PREPL: variants seen among roughly 807,000 people sequenced by gnomAD.
PREPL encodes the protein prolyl endopeptidase like.
In PREPL, 77 loss-of-function variants were observed where a neutral mutation model predicts 70.6. The observed-to-expected ratio is 1.09, with a 90% confidence interval of 0.91 to 1.32. The LOEUF is 1.32. Among genes scored for constraint, PREPL ranks in the 40% most tolerant of loss-of-function variants. PREPL has a pLI of 0.00. For synonymous variants in PREPL, 315 were observed against 264.8 expected (o/e 1.19, Z -1.84); for missense variants, 1,002 against 778.2 (o/e 1.29, Z -3.42).
chr2:44,345,521 T>C (rs1310063446), intron 2 of PREPL, among the ~76,000 whole-genome samples: 1 of 152,054 alleles, frequency 6.6e-6, no homozygotes, highest in African/African-American at 2.4e-5. Context: ...CTAATTTTTG[T>C]ATTTTTAGTA....
Position 44,326,580 on chromosome 2 carries a change from C to G in PREPL, c.1479+132G>C, listed in dbSNP as rs1195424902. The G allele has an allele frequency of 3.4e-6, 3 of 874,788 alleles. No individual in the cohort carries two copies. The South Asian group carries it at 4.6e-5, about 13-fold the overall frequency. 54.2% of individuals were successfully genotyped at this position (874,788 alleles called of 1,614,324 possible). ...CTCGAGCTCCTGGTAAGCAATCTGCCCACCTCAGTTTCCCGAAGTGCTGGG... is the reference window on the plus strand; with the variant it reads ...CTCGAGCTCCTGGTAAGCAATCTGCGCACCTCAGTTTCCCGAAGTGCTGGG... On this transcript the variant is annotated intron_variant, in intron 10 of 13. Transcript: ENST00000409411.
intron 1 of PREPL, among the ~76,000 whole-genome samples, chr2:44,357,568 C>T (rs1301652024): frequency 6.6e-6 from 1 of 152,140 alleles, no homozygotes; most frequent in Non-Finnish European, 1.5e-5. Context: ...GTTATTGAGT[C>T]AGGTTAAAGT....
At chr2:44,331,181 G>A (rs967839084) in intron 8 of PREPL, among the ~76,000 whole-genome samples, 17 of 152,152 alleles carry the variant, frequency 1.1e-4, no homozygotes, top group South Asian at 2.1e-4. Flanking sequence ...GGGCTCAAGT[G>A]ATCCTCCCAG....
chr2:44,338,325 T>G, intron 7 of PREPL, 26 bp downstream of exon 7: 2 of 1,578,242 alleles, frequency 1.3e-6, no homozygotes, highest in Non-Finnish European at 1.7e-6. Context: ...TGATTAACAG[T>G]ATTAACTTCT....
At chr2:44,322,452 G>T (rs887978324) in intron 12 of PREPL, among the ~76,000 whole-genome samples, 11 of 152,112 alleles carry the variant, frequency 7.2e-5, no homozygotes, top group Admixed American at 1.3e-4. Context: ...TAATTGTATG[G>T]CAGTGCATCT....
chr2:44,322,988 G>C lies in PREPL; in HGVS notation c.1630-134C>G, dbSNP rs957608021. 5 of 1,231,964 alleles carry C rather than the reference G, an allele frequency of 4.1e-6. No homozygotes were observed. In the African/African-American group the frequency reaches 7.6e-5, roughly 19 times the overall value. 76.3% of individuals were successfully genotyped at this position (1,231,964 alleles called of 1,614,324 possible). ...TGCTTTTTCTCACTTGCTATCTTGA[G>C]AGCGCCTCAGTATTACAGTAGTAGA... is the stretch of plus-strand genomic sequence containing the variant. On this transcript the variant is annotated intron_variant, in intron 11 of 13. Transcript: ENST00000409411.
intron 7 of PREPL, among the ~76,000 whole-genome samples, chr2:44,335,374 T>A (rs72804927): frequency 0.031 from 4,712 of 152,318 alleles, 107 homozygotes; most frequent in Non-Finnish European, 0.04. Context: ...AACAAGTGCA[T>A]TGCTAGAAAT....
At chr2:44,321,958 TCGAGA>T in intron 12 of PREPL, 58 bp from the exon 13 acceptor site, 2 of 1,516,050 alleles carry the variant, frequency 1.3e-6, no homozygotes, top group Non-Finnish European at 1.8e-6. Context: ...CTTTGGAAGA[TCGAGA>T]CCCATTCCTC....
At position 44,342,428 on chromosome 2, in the gene PREPL, T is replaced by C. The variant is rs760485352; in HGVS notation, c.474A>G (p.Glu158=). The C allele has an allele frequency of 2.5e-6, 4 of 1,610,710 alleles. No individual in the cohort carries two copies. Among genetic ancestry groups the C allele is most frequent in the Non-Finnish European group, 3.4e-6 (4 of 1,178,206 alleles). Residue 158 remains glutamate (E), a synonymous_variant, in exon 5 of 14, where the codon GAA becomes GAG. Transcript: ENST00000409411. The part of the protein sequence containing the change: ...DNKRNERFYT[E]KDPSYFVFLY... ...TATTATTCTAGTACCTTGGGTCTTTTTCTGTGTAAAAGCGTTCATTACGTT... is the reference window on the plus strand; with the variant it reads ...TATTATTCTAGTACCTTGGGTCTTTCTCTGTGTAAAAGCGTTCATTACGTT...
chr2:44,331,172 G>A (rs1558493826), intron 8 of PREPL, among the ~76,000 whole-genome samples: 1 of 152,034 alleles, frequency 6.6e-6, no homozygotes, highest in East Asian at 1.9e-4. Flanking sequence ...CTAACTTCTG[G>A]GCTCAAGTGA....
chr2:44,355,128 T>G (rs1436436412), intron 1 of PREPL, among the ~76,000 whole-genome samples: 1 of 152,188 alleles, frequency 6.6e-6, no homozygotes, highest in Non-Finnish European at 1.5e-5. Flanking sequence ...TTTTGCCCAT[T>G]CTCAACAGCC....
At chr2:44,358,198 A>G (rs1027265393) in intron 1 of PREPL, among the ~76,000 whole-genome samples, 1 of 152,232 alleles carries the variant, frequency 6.6e-6, no homozygotes, top group Non-Finnish European at 1.5e-5. Context: ...TGGTTTATAC[A>G]TACAAAGGAA....
chr2:44,338,754 C>T (rs1422274591), intron 6 of PREPL, among the ~76,000 whole-genome samples: 1 of 152,116 alleles, frequency 6.6e-6, no homozygotes, highest in Non-Finnish European at 1.5e-5. Flanking sequence ...AGTGCTTAGC[C>T]AACCACTGGA....
chr2:44,321,861 C>T lies in PREPL; in HGVS notation c.1793G>A (p.Gly598Glu). 1 of 1,613,600 alleles carries T rather than the reference C, an allele frequency of 6.2e-7. No individual in the cohort carries two copies. Among genetic ancestry groups the T allele is most frequent in the Non-Finnish European group, 8.5e-7 (1 of 1,179,620 alleles). ...TPNIILDIQPGGNHVIEDSHK... is the reference protein window; with the variant it reads ...TPNIILDIQPEGNHVIEDSHK... ...AGAATCCTCAATTACATGATTGCCT[C>T]CAGGCTGAATATCTAGAATAATATT... Residue 598 changes from glycine (G) to glutamate (E), a missense_variant, in exon 13 of 14, where the codon GGA becomes GAA. By Grantham distance (98) the Gly-to-Glu change is moderately conservative. Transcript: ENST00000409411.
Position 44,332,596 on chromosome 2 carries a change from A to C in PREPL, c.949T>G (p.Phe317Val), listed in dbSNP as rs973615302. 1 of 1,613,880 alleles carries C rather than the reference A, an allele frequency of 6.2e-7. No homozygotes were observed. Among genetic ancestry groups the C allele is most frequent in the Non-Finnish European group, 8.5e-7 (1 of 1,179,882 alleles). ...GGACGTATTGGAGAGCAAAGTTGAA[A>C]GGGGCAGTTCTTTGGGTCAGAATTT... The part of the protein sequence containing the change: ...DTNSDPKNCP[F>V]QLCSPIRPPK... Residue 317 changes from phenylalanine (F) to valine (V), a missense_variant, in exon 8 of 14, where the codon TTT (phenylalanine) becomes GTT (valine). Phe to Val is a conservative substitution (Grantham distance 50, BLOSUM62 -1). Transcript: ENST00000409411.
Position 44,359,646 on chromosome 2 carries a change from G to A in PREPL, c.-49+1734C>T, listed in dbSNP as rs374594354. 35 of 1,612,876 alleles carry A rather than the reference G, an allele frequency of 2.2e-5. No individual in the cohort carries two copies. The highest frequency in any genetic ancestry group is 2.9e-5 in the Non-Finnish European group (34 of 1,178,996). ...TTATAGTGATTCAAATGCTGTTTCTGCATGCATTTTCCAAGGTGAGGAATA... is the reference window on the plus strand; with the variant it reads ...TTATAGTGATTCAAATGCTGTTTCTACATGCATTTTCCAAGGTGAGGAATA... On this transcript the variant is annotated intron_variant, in intron 1 of 13. Coordinates refer to ENST00000409411, the MANE Select transcript of PREPL (RefSeq NM_001171613.2).
chr2:44,324,242 G>T (rs994468004), intron 10 of PREPL, among the ~76,000 whole-genome samples: 1 of 152,164 alleles, frequency 6.6e-6, no homozygotes, highest in Non-Finnish European at 1.5e-5. Flanking sequence ...AGAGACAGAG[G>T]CTGTGGGAAG....
chr2:44,338,209 G>C, intron 7 of PREPL, 142 bp downstream of exon 7: 1 of 784,700 alleles, frequency 1.3e-6, no homozygotes, highest in East Asian at 2.7e-5. Context: ...AAACCCAAGA[G>C]TGACTTTGCT....
At chr2:44,327,420 A>T (rs1037940277) in intron 9 of PREPL, among the ~76,000 whole-genome samples, 11 of 152,204 alleles carry the variant, frequency 7.2e-5, no homozygotes, top group African/African-American at 2.7e-4. Flanking sequence ...CGAGTCAGGA[A>T]CACAAATGCT....
Sources: allele counts gnomAD v4.1 joint callset (sites outside exome capture counted in the v4.1 genomes callset), GRCh38; gene constraint gnomAD v4.1.1; transcripts MANE v1.5; gene names NCBI Gene and HGNC (gene_info 2026-07-23, HGNC 2026-07-21).